The following NPIPA1 variants were observed in gnomAD, a reference collection of about 807,000 sequenced individuals.
NPIPA1 encodes the protein nuclear pore complex interacting protein family member A1.
For synonymous variants in NPIPA1, 7 were observed against 88.0 expected (o/e 0.08, Z 5.15); for missense variants, 22 against 232.2 (o/e 0.09, Z 5.88).
rs1352334462 is a variant in NPIPA1 at position 14,947,179 on chromosome 16, C to T, written c.437+1198C>T. On this transcript the variant is annotated intron_variant, in intron 4 of 7. Transcript: ENST00000328085. ...CACAGTCTTTCATGTTTTGGTCATA[C>T]TACATTGTATTTTGCTGCCATATGA... Among the ~76,000 whole-genome samples, 86 of 152,336 alleles carry T rather than the reference C, an allele frequency of 5.6e-4. 2 individuals carry two copies. In the South Asian group the frequency reaches 0.017, roughly 30 times the overall value.
chr16:14,948,375 C>A (rs1965943993), intron 4 of NPIPA1, among the ~76,000 whole-genome samples: 1 of 152,188 alleles, frequency 6.6e-6, no homozygotes, highest in Non-Finnish European at 1.5e-5. Flanking sequence ...GAGTTCCAGT[C>A]CTGAATCATG....
chr16:14,949,529 G>GC, intron 5 of NPIPA1: 1 of 215,790 alleles, frequency 4.6e-6, no homozygotes, highest in African/African-American at 2.9e-5. Flanking sequence ...CAGAAGTCAG[G>GC]CAGTAAGCAA....
At chr16:14,944,606 ATTT>A (rs1194738991) in intron 2 of NPIPA1, among the ~76,000 whole-genome samples, 1 of 110,950 alleles carries the variant, frequency 9.0e-6, no homozygotes. Context: ...TATTCATGTC[ATTT>A]TTTTTTTTTT....
intron 4 of NPIPA1, among the ~76,000 whole-genome samples, chr16:14,947,116 G>A (rs1965908344): frequency 6.6e-6 from 1 of 152,256 alleles, no homozygotes; most frequent in Non-Finnish European, 1.5e-5. Flanking sequence ...AGCCTGGATT[G>A]TTGAACTCAA....
At chr16:14,941,157 G>A (rs1965742743) in intron 1 of NPIPA1, among the ~76,000 whole-genome samples, 1 of 151,564 alleles carries the variant, frequency 6.6e-6, no homozygotes, top group Non-Finnish European at 1.5e-5. Context: ...AAAAAAAATG[G>A]CCGGGCACGG....
rs748459839 is a variant in NPIPA1 at position 14,945,227 on chromosome 16, G to GTTGTGTGTGTGC, written c.193-347_193-346insTTGTGTGTGTGC. 1.5e-4 allele frequency among the ~76,000 whole-genome samples: 20 copies of GTTGTGTGTGTGC among 137,806 alleles called. 1 individual carries two copies. Among genetic ancestry groups the GTTGTGTGTGTGC allele is most frequent in the Middle Eastern group, 3.6e-3 (1 of 278 alleles). 90.4% of individuals were successfully genotyped at this position (137,806 alleles called of 152,430 possible). On this transcript the variant is annotated intron_variant, in intron 2 of 7. Coordinates refer to ENST00000328085, the MANE Select transcript of NPIPA1 (RefSeq NM_006985.4). ...TGCCAGCCTCATGTCATTCTTGTGT[G>GTTGTGTGTGTGC]GTGTGTGTGTGTGTGTGTGTGTGTG...
chr16:14,944,491 A>C (rs1278714827), intron 2 of NPIPA1, among the ~76,000 whole-genome samples: 641 of 146,896 alleles, frequency 4.4e-3, no homozygotes, highest in Admixed American at 0.011. Flanking sequence ...GTAATTAATT[A>C]CTTCCTTTTC....
intron 2 of NPIPA1, among the ~76,000 whole-genome samples, chr16:14,943,825 G>A (rs887999763): frequency 3.3e-5 from 5 of 151,948 alleles, no homozygotes. Flanking sequence ...CAGAAATCAG[G>A]AAAAAACAAA....
chr16:14,939,070 C>G (rs1965693751), intron 1 of NPIPA1, among the ~76,000 whole-genome samples: 1 of 140,858 alleles, frequency 7.1e-6, no homozygotes, highest in Non-Finnish European at 1.5e-5. Context: ...AAAGTACATA[C>G]ACCAGCATAA....
chr16:14,945,267 T>TGAGA (rs756718292), intron 2 of NPIPA1, among the ~76,000 whole-genome samples: 3 of 132,170 alleles, frequency 2.3e-5, no homozygotes, highest in African/African-American at 8.5e-5. Context: ...TGTGTGTGTG[T>TGAGA]GAGACAGAGT....
intron 1 of NPIPA1, chr16:14,941,413 C>G (rs1173438559): frequency 5.1e-6 from 1 of 197,144 alleles, no homozygotes; most frequent in African/African-American, 2.8e-5. Flanking sequence ...CCAGCCTGGG[C>G]GACTGAGTGG....
intron 1 of NPIPA1, among the ~76,000 whole-genome samples, chr16:14,940,758 A>T (rs1965732118): frequency 8.8e-6 from 1 of 113,394 alleles, no homozygotes; most frequent in African/African-American, 3.4e-5. Flanking sequence ...TGTCTTACCC[A>T]TGAGTGACGG....
intron 2 of NPIPA1, among the ~76,000 whole-genome samples, chr16:14,945,229 TGTG>T (rs1567575383): frequency 1.2e-4 from 17 of 137,000 alleles, no homozygotes; most frequent in Admixed American, 2.9e-4. Context: ...TCTTGTGTGG[TGTG>T]TGTGTGTGTG....
intron 1 of NPIPA1, among the ~76,000 whole-genome samples, chr16:14,938,005 TTTC>T (rs1205508125): frequency 3.1e-4 from 44 of 142,070 alleles, no homozygotes; most frequent in South Asian, 3.0e-3. Context: ...CCCAGACCCC[TTTC>T]TTCTTCTCCT....
At chr16:14,943,181 G>C (rs1361284152) in intron 2 of NPIPA1, among the ~76,000 whole-genome samples, 2 of 152,020 alleles carry the variant, frequency 1.3e-5, no homozygotes, top group Non-Finnish European at 1.5e-5. Flanking sequence ...CCCCCAAAAG[G>C]AGTCTCCCTC....
intron 4 of NPIPA1, among the ~76,000 whole-genome samples, chr16:14,947,862 C>T (rs1422177722): frequency 1.3e-5 from 2 of 151,900 alleles, no homozygotes; most frequent in East Asian, 1.9e-4. Flanking sequence ...TCCTCACTGG[C>T]TTCTCATTTG....
intron 2 of NPIPA1, among the ~76,000 whole-genome samples, chr16:14,942,816 T>C (rs1965782999): frequency 6.6e-6 from 1 of 152,290 alleles, no homozygotes; most frequent in Non-Finnish European, 1.5e-5. Context: ...ATAATTTGTC[T>C]TTTGAGCCTT....
At chr16:14,949,592 T>C (rs1965967071) in intron 5 of NPIPA1, 1 of 648,786 alleles carries the variant, frequency 1.5e-6, no homozygotes, top group African/African-American at 1.9e-5. Flanking sequence ...GTTTTTTTGT[T>C]TTTGTTTTTG....
At chr16:14,941,525 T>C (rs1965754612) in intron 1 of NPIPA1, 1 of 165,690 alleles carries the variant, frequency 6.0e-6, no homozygotes, top group Non-Finnish European at 1.2e-5. Flanking sequence ...AAGACAACTT[T>C]GCTTCTTTTA....
Sources: gnomAD v4.1 joint callset for allele counts (sites outside exome capture counted in the v4.1 genomes callset) on GRCh38, gnomAD v4.1.1 for gene constraint, MANE v1.5 for transcripts, NCBI Gene and HGNC (gene_info 2026-07-23, HGNC 2026-07-21) for gene names.